The following ALG6 variants were observed in gnomAD, a reference collection of about 807,000 sequenced individuals.
ALG6 encodes dolichyl pyrophosphate Man9GlcNAc2 alpha-1,3-glucosyltransferase.
ALG6 carries 46 observed loss-of-function variants against 66.6 expected under a neutral mutation model. The observed-to-expected ratio is 0.69, with a 90% confidence interval of 0.55 to 0.88. ALG6 has a LOEUF of 0.88. ALG6 is among the 40% of genes least tolerant of loss of function. The pLI is 0.00. For synonymous variants in ALG6, 185 were observed against 203.7 expected (o/e 0.91, Z 0.78); for missense variants, 505 against 586.8 (o/e 0.86, Z 1.44).
At chr1:63,376,054 T>A (rs1411428051) in intron 2 of ALG6, among the ~76,000 whole-genome samples, 1 of 152,182 alleles carries the variant, frequency 6.6e-6, no homozygotes, top group East Asian at 1.9e-4. Flanking sequence ...TGTTTAATGA[T>A]GGGGATTCAT....
intron 12 of ALG6, 26 bp downstream of exon 12, chr1:63,419,466 GTTTA>G (rs1246093913): frequency 3.4e-6 from 5 of 1,455,840 alleles, no homozygotes; most frequent in East Asian, 4.6e-5. Flanking sequence ...TGAAATATGT[GTTTA>G]TTTGTTTATA....
At position 63,396,616 on chromosome 1, in the gene ALG6, G is replaced by A; in HGVS notation, c.167+19G>A. ...AACAATGGTATGATAATTTTAACTT[G>A]TTTTTCTTGTTTATCATAGTTAATA... On this transcript the variant is annotated intron_variant, in intron 3 of 14. Coordinates refer to ENST00000263440, the MANE Select transcript of ALG6 (RefSeq NM_013339.4). 2 of 1,584,248 alleles carry A rather than the reference G, an allele frequency of 1.3e-6. No homozygotes were observed. Among genetic ancestry groups the A allele is most frequent in the South Asian group, 2.2e-5 (2 of 90,442 alleles).
At chr1:63,376,311 T>G (rs1450481456) in intron 2 of ALG6, among the ~76,000 whole-genome samples, 2 of 152,194 alleles carry the variant, frequency 1.3e-5, no homozygotes, top group African/African-American at 2.4e-5. Context: ...TATGATTATC[T>G]TATGGGACCA....
At chr1:63,387,699 G>T (rs995140507) in intron 2 of ALG6, among the ~76,000 whole-genome samples, 2 of 151,236 alleles carry the variant, frequency 1.3e-5, no homozygotes, top group Non-Finnish European at 2.9e-5. Context: ...GCACCACCAC[G>T]CCCAGCTAAT....
intron 2 of ALG6, among the ~76,000 whole-genome samples, chr1:63,380,321 A>G (rs1027834759): frequency 2.6e-5 from 4 of 152,238 alleles, no homozygotes; most frequent in African/African-American, 4.8e-5. Context: ...TCAAATGGAC[A>G]TAGCAACTTT....
At chr1:63,405,235 C>T (rs1402892433) in intron 5 of ALG6, among the ~76,000 whole-genome samples, 2 of 152,080 alleles carry the variant, frequency 1.3e-5, no homozygotes, top group African/African-American at 4.8e-5. Flanking sequence ...TCTCCCACAC[C>T]ACTGCCCTTC....
intron 12 of ALG6, among the ~76,000 whole-genome samples, chr1:63,422,282 T>TATATATATTTATATAGATATAA (rs1644585906): frequency 9.5e-6 from 1 of 104,778 alleles, no homozygotes; most frequent in South Asian, 2.5e-4. Flanking sequence ...TATATATAAA[T>TATATATATTTATATAGATATAA]ATATATATTT....
intron 2 of ALG6, among the ~76,000 whole-genome samples, chr1:63,387,247 C>T: frequency 6.6e-6 from 1 of 152,134 alleles, no homozygotes; most frequent in Middle Eastern, 3.2e-3. Flanking sequence ...TGTATATTCT[C>T]TAGCCATTGG....
intron 8 of ALG6, among the ~76,000 whole-genome samples, chr1:63,411,716 T>A (rs112031625): frequency 0.012 from 1,895 of 152,314 alleles, 33 homozygotes; most frequent in African/African-American, 0.043. Context: ...ATTACGATGG[T>A]GATAACAGTC....
rs34012309 is a variant in ALG6 at position 63,378,864 on chromosome 1, GT to G, written c.82+7817del. ...GTTTTTAGCTGTGCTTAATTTGTTTGTTTTTTTTTTTTAACTCCCCATTGAA... is the reference window on the plus strand; with the variant it reads ...GTTTTTAGCTGTGCTTAATTTGTTTGTTTTTTTTTTTAACTCCCCATTGAA... On this transcript the variant is annotated intron_variant, in intron 2 of 14. Coordinates refer to ENST00000263440, the MANE Select transcript of ALG6 (RefSeq NM_013339.4). Among the ~76,000 whole-genome samples, 371 of 130,470 alleles carry G rather than the reference GT, an allele frequency of 2.8e-3. 1 individual carries two copies. Among genetic ancestry groups the G allele is most frequent in the African/African-American group, 7.7e-3 (276 of 36,048 alleles). 85.6% of individuals were successfully genotyped at this position (130,470 alleles called of 152,430 possible). A position where few individuals can be genotyped will look rare whatever the true frequency, so the allele number is the denominator to read the frequency against.
At chr1:63,383,846 A>G (rs978682510) in intron 2 of ALG6, among the ~76,000 whole-genome samples, 3 of 152,100 alleles carry the variant, frequency 2.0e-5, no homozygotes, top group Admixed American at 2.0e-4. Context: ...TCTGGTAACC[A>G]TAATTCTGTT....
chr1:63,404,794 A>T (rs972193319), intron 5 of ALG6, among the ~76,000 whole-genome samples: 2 of 152,148 alleles, frequency 1.3e-5, no homozygotes, highest in African/African-American at 4.8e-5. Flanking sequence ...GAACACCTAA[A>T]TGAGATAAAT....
chr1:63,437,057 GA>G lies in ALG6; in HGVS notation c.*41del. 1 of 1,579,366 alleles carries G rather than the reference GA, an allele frequency of 6.3e-7. No individual in the cohort carries two copies. ...AACAAATTGTTTCCTAAACAAATGT[GA>G]AAATGTGAACAGTGCTGAAAGGTTT... On this transcript the variant is annotated 3_prime_UTR_variant, in exon 15 of 15. Transcript: ENST00000263440.
intron 12 of ALG6, among the ~76,000 whole-genome samples, chr1:63,419,734 T>C (rs1159793689): frequency 6.6e-6 from 1 of 152,238 alleles, no homozygotes; most frequent in Non-Finnish European, 1.5e-5. Context: ...TTTCATCAGA[T>C]TGGAGCCTGT....
chr1:63,392,019 C>CT (rs926757062), intron 2 of ALG6, among the ~76,000 whole-genome samples: 14 of 151,552 alleles, frequency 9.2e-5, no homozygotes, highest in Admixed American at 3.3e-4. Flanking sequence ...ATTTTAATAA[C>CT]TTTTTTTTTC....
chr1:63,422,238 T>TGA (rs1644583459), intron 12 of ALG6, among the ~76,000 whole-genome samples: 2 of 73,890 alleles, frequency 2.7e-5, no homozygotes, highest in Admixed American at 2.0e-4. Context: ...TATAAATATA[T>TGA]ATATAAATAT....
At chr1:63,397,855 GA>G (rs1644413844) in intron 3 of ALG6, among the ~76,000 whole-genome samples, 1 of 152,162 alleles carries the variant, frequency 6.6e-6, no homozygotes, top group African/African-American at 2.4e-5. Context: ...CTTATAGAAT[GA>G]AAATAGTAGA....
At chr1:63,435,383 C>T (rs1644672607) in intron 14 of ALG6, among the ~76,000 whole-genome samples, 1 of 152,126 alleles carries the variant, frequency 6.6e-6, no homozygotes, top group Admixed American at 6.6e-5. Context: ...TTTCCTTTAA[C>T]GACACTGGCA....
chr1:63,372,787 G>A (rs1647976980), intron 2 of ALG6, among the ~76,000 whole-genome samples: 1 of 151,948 alleles, frequency 6.6e-6, no homozygotes, highest in Non-Finnish European at 1.5e-5. Flanking sequence ...AGCCTCCTAA[G>A]TAGCTGGGAT....
Sources: gnomAD v4.1 joint callset for allele counts (sites outside exome capture counted in the v4.1 genomes callset) on GRCh38, gnomAD v4.1.1 for gene constraint, MANE v1.5 for transcripts, NCBI Gene and HGNC (gene_info 2026-07-23, HGNC 2026-07-21) for gene names.